The following ME1 variants were observed in gnomAD, a reference collection of about 807,000 sequenced individuals.
ME1 encodes NADP-dependent malic enzyme.
ME1 carries 74 observed loss-of-function variants against 66.4 expected under a neutral mutation model. The observed-to-expected ratio is 1.11, with a 90% CI of 0.92 to 1.35. The LOEUF (loss-of-function observed/expected upper bound fraction) is 1.35. ME1 is among the 40% of genes most tolerant of loss of function. The probability of loss-of-function intolerance (pLI) is 0.00; values close to 1 mark genes in which losing one functional copy is unlikely to be tolerated. For missense variants in ME1, 750 were observed against 694.1 expected (o/e 1.08, Z -0.90); for synonymous variants, 251 against 235.6 (o/e 1.07, Z -0.60).
At chr6:83,276,357 C>T (rs1767183110) in intron 6 of ME1, among the ~76,000 whole-genome samples, 1 of 152,150 alleles carries the variant, frequency 6.6e-6, no homozygotes. Context: ...GATAAAGATT[C>T]TGCTGTGAAA....
chr6:83,239,430 CATAAT>C, intron 8 of ME1, 104 bp downstream of exon 8: 1 of 704,908 alleles, frequency 1.4e-6, no homozygotes, highest in East Asian at 2.5e-5. Flanking sequence ...AGCCTACAGT[CATAAT>C]ATACTAAAAA....
At chr6:83,315,191 T>C (rs2128539199) in intron 6 of ME1, 119 bp downstream of exon 6, 1 of 637,152 alleles carries the variant, frequency 1.6e-6, no homozygotes. Flanking sequence ...ATAGGATATA[T>C]GCATTTTTCA....
At chr6:83,261,246 G>A (rs940713070) in intron 6 of ME1, among the ~76,000 whole-genome samples, 104 of 151,764 alleles carry the variant, frequency 6.9e-4, no homozygotes, top group African/African-American at 2.5e-3. Flanking sequence ...CTTATTGGCC[G>A]TATGCATGTT....
chr6:83,371,082 C>T (rs1400925930), intron 3 of ME1, among the ~76,000 whole-genome samples: 1 of 152,130 alleles, frequency 6.6e-6, no homozygotes. Flanking sequence ...TAGGTAATCT[C>T]TATCATTAAT....
chr6:83,350,045 A>G (rs1421696275), intron 4 of ME1, among the ~76,000 whole-genome samples: 2 of 152,212 alleles, frequency 1.3e-5, no homozygotes, highest in Non-Finnish European at 2.9e-5. Flanking sequence ...CAGAATGAAT[A>G]AATAAGGCAC....
At chr6:83,391,837 C>T (rs1445335283) in intron 3 of ME1, among the ~76,000 whole-genome samples, 1 of 152,228 alleles carries the variant, frequency 6.6e-6, no homozygotes, top group Non-Finnish European at 1.5e-5. Context: ...ATGACTTCCT[C>T]CCCAACTCCT....
At chr6:83,392,818 G>T in intron 3 of ME1, 2 of 739,248 alleles carry the variant, frequency 2.7e-6, no homozygotes, top group Non-Finnish European at 2.4e-6. Flanking sequence ...CGTGATGGGT[G>T]TGAACCATGA....
chr6:83,398,257 T>C (rs1225811106), intron 3 of ME1, 110 bp downstream of exon 3: 5 of 746,704 alleles, frequency 6.7e-6, no homozygotes, highest in Non-Finnish European at 8.3e-6. Flanking sequence ...CATAAATATA[T>C]GCAATTTTAT....
At chr6:83,322,554 C>T (rs905045962) in intron 5 of ME1, among the ~76,000 whole-genome samples, 19 of 151,966 alleles carry the variant, frequency 1.3e-4, no homozygotes, top group Admixed American at 1.3e-4. Context: ...GAGAGGATAT[C>T]TGAGATTGAA....
chr6:83,362,573 C>G (rs2128546115), intron 3 of ME1, among the ~76,000 whole-genome samples: 1 of 152,354 alleles, frequency 6.6e-6, no homozygotes, highest in South Asian at 2.1e-4. Context: ...ATGGCCACTG[C>G]TAAGCGCCCA....
At chr6:83,418,063 A>G (rs1562008941) in intron 1 of ME1, among the ~76,000 whole-genome samples, 1 of 152,224 alleles carries the variant, frequency 6.6e-6, no homozygotes, top group Non-Finnish European at 1.5e-5. Flanking sequence ...TGATATTCCC[A>G]GAAACACCAC....
At chr6:83,277,903 A>ATAT (rs1767216839) in intron 6 of ME1, among the ~76,000 whole-genome samples, 1 of 148,412 alleles carries the variant, frequency 6.7e-6, no homozygotes, top group Non-Finnish European at 1.5e-5. Context: ...GTATCTCAAA[A>ATAT]TAATAATAAT....
intron 7 of ME1, 94 bp downstream of exon 7, chr6:83,253,535 A>G (rs1790757560): frequency 1.6e-6 from 1 of 627,588 alleles, no homozygotes; most frequent in African/African-American, 1.8e-5. Context: ...TTTAAAAGGT[A>G]CTCAGTATAT....
At position 83,357,902 on chromosome 6, in the gene ME1, C is replaced by CCTCTCTCTCTCT. The variant is rs1051682306; in HGVS notation, c.363-5775_363-5764dup. ...TGTTAGTTAATACTTAATAAACTCC[C>CCTCTCTCTCTCT]CTCTCTCTCTCTCTCTCTCTCTCTC... On this transcript the variant is annotated intron_variant, in intron 3 of 13. Transcript: ENST00000369705. Among the ~76,000 whole-genome samples the CCTCTCTCTCTCT allele has an allele frequency of 2.0e-3, 63 of 31,516 alleles. 5 individuals carry two copies. The highest frequency in any genetic ancestry group is 2.6e-3 in the African/African-American group (19 of 7,184). The allele number at this position is 31,516 out of a possible 152,430, so 20.7% of individuals were successfully genotyped here.
In ME1 at chr6:83,363,643, A is replaced by G. The variant is rs140948436; in HGVS notation, c.363-11504T>C. ...GAATACAGAATGGGTAGTAGAAGGT[A>G]CTCATCAATACCAACTACAACCACA... On this transcript the variant is annotated intron_variant, in intron 3 of 13. Transcript: ENST00000369705. Among the ~76,000 whole-genome samples the G allele has an allele frequency of 4.6e-3, 696 of 152,348 alleles. 2 individuals are homozygous for G. Among genetic ancestry groups the G allele is most frequent in the African/African-American group, 0.015 (638 of 41,586 alleles).
At chr6:83,367,346 C>T (rs1469282341) in intron 3 of ME1, among the ~76,000 whole-genome samples, 2 of 152,128 alleles carry the variant, frequency 1.3e-5, no homozygotes, top group Admixed American at 1.3e-4. Flanking sequence ...AACTTAGAGT[C>T]ACCAGCTGCA....
At chr6:83,280,221 T>G (rs1767262208) in intron 6 of ME1, among the ~76,000 whole-genome samples, 1 of 152,194 alleles carries the variant, frequency 6.6e-6, no homozygotes, top group Non-Finnish European at 1.5e-5. Flanking sequence ...AAAATATTTT[T>G]CTTTTTCTCA....
intron 9 of ME1, among the ~76,000 whole-genome samples, chr6:83,230,855 C>T (rs10455414): frequency 0.13 from 19,932 of 152,002 alleles, 1,536 homozygotes; most frequent in East Asian, 0.28. Context: ...ATGGCATAAA[C>T]CCAGGAGGCA....
At chr6:83,343,240 T>C (rs968372175) in intron 5 of ME1, among the ~76,000 whole-genome samples, 6 of 152,178 alleles carry the variant, frequency 3.9e-5, no homozygotes, top group African/African-American at 1.4e-4. Flanking sequence ...AGATCAACTT[T>C]TTTAGCCCGG....
Sources: gnomAD v4.1 joint callset for allele counts (sites outside exome capture counted in the v4.1 genomes callset) on GRCh38, gnomAD v4.1.1 for gene constraint, MANE v1.5 for transcripts, NCBI Gene and HGNC (gene_info 2026-07-23, HGNC 2026-07-21) for gene names.